Variants in SIRPD observed in about 807,000 individuals in gnomAD.
SIRPD encodes the protein signal regulatory protein delta.
SIRPD carries 21 observed loss-of-function variants against 18.0 expected under a neutral mutation model. That is an observed-to-expected ratio of 1.17 (90% CI 0.83 to 1.68). SIRPD has a LOEUF of 1.68. Among genes scored for constraint, SIRPD ranks in the 40% most tolerant of loss-of-function variants. The probability of loss-of-function intolerance (pLI) is 0.00; values close to 1 mark genes in which losing one functional copy is unlikely to be tolerated. For missense variants in SIRPD, 295 were observed against 238.4 expected, an observed-to-expected ratio of 1.24 and a Z score of -1.56; for synonymous variants, 106 against 92.9, an observed-to-expected ratio of 1.14 and a Z score of -0.81.
chr20:1,542,705 T>G lies in SIRPD; in HGVS notation c.422-5395A>C, dbSNP rs113820353. 9.4e-3 allele frequency among the ~76,000 whole-genome samples: 1,439 copies of G among 152,336 alleles called. 24 individuals carry two copies. Among genetic ancestry groups the G allele is most frequent in the African/African-American group, 0.034 (1,405 of 41,578 alleles). ...ATAGAAGTGGTGAGAGAGGGCATTC[T>G]TGTCTTGCTCTGGTTTTCAAAGAGA... On this transcript the variant is annotated intron_variant, in intron 2 of 3. Transcript: ENST00000381623.
intron 2 of SIRPD, among the ~76,000 whole-genome samples, chr20:1,549,337 C>G (rs978006540): frequency 1.3e-5 from 2 of 150,600 alleles, no homozygotes; most frequent in Non-Finnish European, 2.9e-5. Context: ...TTAAGTTTGA[C>G]ATCTGATGGC....
chr20:1,554,938 C>T (rs923706784), intron 1 of SIRPD, among the ~76,000 whole-genome samples: 7 of 152,262 alleles, frequency 4.6e-5, no homozygotes, highest in Admixed American at 1.3e-4. Flanking sequence ...CTTAATTGCT[C>T]TTGTGTATTC....
intron 2 of SIRPD, among the ~76,000 whole-genome samples, chr20:1,539,626 T>C (rs2263658): frequency 0.86 from 130,753 of 152,278 alleles, 56,399 homozygotes; most frequent in Middle Eastern, 0.96. Context: ...ATGTAATCCC[T>C]TCCTCTGGAT....
At chr20:1,541,462 T>G (rs2090970954) in intron 2 of SIRPD, among the ~76,000 whole-genome samples, 2 of 152,230 alleles carry the variant, frequency 1.3e-5, no homozygotes, top group South Asian at 4.1e-4. Context: ...GCTCATATCC[T>G]TCGCCCACTT....
Position 1,537,206 on chromosome 20 carries a change from T to C in SIRPD, c.526A>G (p.Thr176Ala). ...CLSALPERNS[T>A]NYFVQPCCCL... ...CAGCAGGGTTGGACGAAATAGTTTG[T>C]GCTGTTTCTCTCAGGCAGGGCCGAG... Residue 176 changes from threonine to alanine, a missense_variant, in exon 3 of 4, where the codon ACA (threonine) becomes GCA (alanine). By Grantham distance (58) the Thr-to-Ala change is moderately conservative (BLOSUM62 0). Coordinates refer to ENST00000381623, the MANE Select transcript of SIRPD (RefSeq NM_178460.3). 6.2e-7 allele frequency: 1 copy of C among 1,614,052 alleles called. No individual in the cohort carries two copies. The highest frequency in any genetic ancestry group is 8.5e-7 in the Non-Finnish European group (1 of 1,179,982).
intron 2 of SIRPD, among the ~76,000 whole-genome samples, chr20:1,545,202 A>C (rs1169367906): frequency 6.6e-6 from 1 of 151,590 alleles, no homozygotes; most frequent in African/African-American, 2.4e-5. Context: ...AATATCCTGA[A>C]GTGTGTTTTC....
intron 2 of SIRPD, among the ~76,000 whole-genome samples, chr20:1,544,503 A>G (rs536182812): frequency 3.4e-5 from 5 of 146,940 alleles, no homozygotes; most frequent in South Asian, 2.1e-4. Flanking sequence ...TTTTGAGCCT[A>G]TGTGTATCTT....
chr20:1,537,050 G>T (rs1228312415), intron 3 of SIRPD, 105 bp downstream of exon 3: 1 of 1,378,564 alleles, frequency 7.3e-7, no homozygotes, highest in Non-Finnish European at 1.0e-6. Flanking sequence ...AGAGGCCCTA[G>T]GACAACAGAG....
At chr20:1,549,438 T>G (rs1336752237) in intron 2 of SIRPD, among the ~76,000 whole-genome samples, 1 of 152,080 alleles carries the variant, frequency 6.6e-6, no homozygotes, top group Admixed American at 6.6e-5. Flanking sequence ...TCTCACTTTT[T>G]TTGAAACTGG....
intron 1 of SIRPD, 122 bp from the exon 2 acceptor site, chr20:1,552,160 G>A (rs17720808): frequency 0.062 from 48,425 of 782,004 alleles, 1,746 homozygotes; most frequent in Non-Finnish European, 0.075. Flanking sequence ...CATGCATTGA[G>A]TAAAGAGAGG....
chr20:1,534,290 G>A lies in SIRPD; in HGVS notation c.*135C>T. ...ATAGACAGATTTATTGTACGATCAA[G>A]CTGGCATTTTATGTCAGTGGAAGAA... On this transcript the variant is annotated 3_prime_UTR_variant, in exon 4 of 4. Transcript: ENST00000381623. The A allele has an allele frequency of 1.7e-6, 2 of 1,191,824 alleles. No homozygotes were observed. The highest frequency in any genetic ancestry group is 1.3e-5 in the South Asian group (1 of 74,828). The allele number at this position is 1,191,824 out of a possible 1,614,324, so 73.8% of individuals were successfully genotyped here.
chr20:1,545,428 C>T (rs1468326799), intron 2 of SIRPD, among the ~76,000 whole-genome samples: 1 of 152,146 alleles, frequency 6.6e-6, no homozygotes, highest in Admixed American at 6.6e-5. Flanking sequence ...CTTCTGTATG[C>T]TTCATGAAGT....
chr20:1,556,433 A>G (rs745993168), intron 1 of SIRPD, among the ~76,000 whole-genome samples: 3 of 152,264 alleles, frequency 2.0e-5, no homozygotes, highest in Non-Finnish European at 2.9e-5. Flanking sequence ...ACATAAACCA[A>G]CAAAGAATAT....
chr20:1,547,346 T>C (rs917725756), intron 2 of SIRPD, among the ~76,000 whole-genome samples: 1 of 152,224 alleles, frequency 6.6e-6, no homozygotes, highest in Non-Finnish European at 1.5e-5. Flanking sequence ...CTCTTTTCCA[T>C]TGGTCTATAG....
chr20:1,549,128 C>G (rs1488055127), intron 2 of SIRPD, among the ~76,000 whole-genome samples: 1 of 152,096 alleles, frequency 6.6e-6, no homozygotes, highest in Non-Finnish European at 1.5e-5. Flanking sequence ...TTAATCCCCT[C>G]TAGGGTAATT....
chr20:1,545,080 C>T (rs1032704597), intron 2 of SIRPD, among the ~76,000 whole-genome samples: 1 of 152,062 alleles, frequency 6.6e-6, no homozygotes, highest in Non-Finnish European at 1.5e-5. Context: ...GTGAATCTGG[C>T]GATTGTGTGT....
intron 2 of SIRPD, among the ~76,000 whole-genome samples, chr20:1,548,268 A>C (rs1479784636): frequency 6.6e-6 from 1 of 152,190 alleles, no homozygotes; most frequent in East Asian, 1.9e-4. Context: ...TATCAGGTTG[A>C]TAAAGTTCCC....
At position 1,552,015 on chromosome 20, in the gene SIRPD, G is replaced by A; in HGVS notation, c.97C>T (p.Gln33Ter). The change falls in exon 2 of 4, where the codon CAA (glutamine) becomes TAA (stop). Residue 33 changes from glutamine (Q) to a stop codon, truncating the protein, a stop_gained. Coordinates refer to ENST00000381623, the MANE Select transcript of SIRPD (RefSeq NM_178460.3). LOFTEE classifies it high-confidence loss of function. ...LAGVTHVFHV[Q>*]QTEMSQTVST... Reference sequence around the variant, plus strand: ...ACAGTCTGTGACATCTCCGTTTGTTGCACATGGAACACATGTGTGACTCCT... The same window carrying A: ...ACAGTCTGTGACATCTCCGTTTGTTACACATGGAACACATGTGTGACTCCT... The A allele has an allele frequency of 6.2e-7, 1 of 1,613,614 alleles. No homozygotes were observed.
rs11906723 is a variant in SIRPD at position 1,540,023 on chromosome 20, G to C, written c.422-2713C>G. On this transcript the variant is annotated intron_variant, in intron 2 of 3. Transcript: ENST00000381623. ...AGACACTGGGAGACAGTAAGTGTTT[G>C]TTGTTTGAAATCACTAAGTTTTGGG... 1,459 of 239,854 alleles carry C rather than the reference G, an allele frequency of 6.1e-3. 23 individuals carry two copies. Among genetic ancestry groups the C allele is most frequent in the African/African-American group, 0.033 (1,413 of 43,450 alleles). The allele number at this position is 239,854 out of a possible 1,614,324, so 14.9% of individuals were successfully genotyped here. A position where few individuals can be genotyped will look rare whatever the true frequency, so the allele number is the denominator to read the frequency against.
Sources: gnomAD v4.1 joint callset for allele counts (sites outside exome capture counted in the v4.1 genomes callset) on GRCh38, gnomAD v4.1.1 for gene constraint, MANE v1.5 for transcripts, NCBI Gene and HGNC (gene_info 2026-07-23, HGNC 2026-07-21) for gene names.